Variants in ZFHX3 observed in about 807,000 individuals in gnomAD.
The protein encoded by ZFHX3 is zinc finger homeobox 3.
ZFHX3 carries 42 observed loss-of-function variants against 279.1 expected under a neutral mutation model. The ratio of observed to expected loss-of-function variants is 0.15; its 90% CI spans 0.12 to 0.19. ZFHX3 has a LOEUF of 0.19. Among genes scored for constraint, ZFHX3 ranks in the 10% least tolerant of loss-of-function variants. ZFHX3 has a pLI of 1.00. For synonymous variants in ZFHX3, 2,293 were observed against 1,957.8 expected, an observed-to-expected ratio of 1.17 and a Z score of -4.52; for missense variants, 4,981 against 4,754.0, an observed-to-expected ratio of 1.05 and a Z score of -1.40.
chr16:73,086,286 C>G (rs1966011133), intron 8 of ZFHX3, among the ~76,000 whole-genome samples: 1 of 152,124 alleles, frequency 6.6e-6, no homozygotes, highest in African/African-American at 2.4e-5. Flanking sequence ...AGTACAGCCT[C>G]TATGGAAAAG....
chr16:73,262,202 A>G (rs1226721894), intron 4 of ZFHX3, among the ~76,000 whole-genome samples: 1 of 152,262 alleles, frequency 6.6e-6, no homozygotes, highest in African/African-American at 2.4e-5. Context: ...GTAAAGTTAT[A>G]GGAGAACAAA....
chr16:73,701,675 T>C (rs1257207629), intron 1 of ZFHX3, among the ~76,000 whole-genome samples: 1 of 152,166 alleles, frequency 6.6e-6, no homozygotes, highest in Non-Finnish European at 1.5e-5. Context: ...TATAAACGCC[T>C]TTGCCTTCTA....
rs1328148425 is a variant in ZFHX3, at chr16:72,783,140, C to G, written c.*4024G>C. ...ACAAGACTACATTATAGAAAAACAC[C>G]AAGAACATCATTTTTGGTTTCACTT... On this transcript the variant is annotated 3_prime_UTR_variant, in exon 10 of 10. Transcript: ENST00000268489. 6.6e-6 allele frequency: 1 copy of G among 152,374 alleles called. No homozygotes were observed. Among genetic ancestry groups the G allele is most frequent in the Non-Finnish European group, 1.5e-5 (1 of 67,966 alleles). 9.4% of individuals were successfully genotyped at this position (152,374 alleles called of 1,614,324 possible). A position where few individuals can be genotyped will look rare whatever the true frequency, so the allele number is the denominator to read the frequency against.
intron 3 of ZFHX3, among the ~76,000 whole-genome samples, chr16:73,349,694 TCCTTC>T: frequency 3.5e-5 from 1 of 28,842 alleles, no homozygotes; most frequent in Non-Finnish European, 6.9e-5. Flanking sequence ...CCCTCTCCCT[TCCTTC>T]CCTCCCTCCC....
At chr16:73,687,055 T>TATAC (rs2053095687) in intron 1 of ZFHX3, among the ~76,000 whole-genome samples, 1 of 109,902 alleles carries the variant, frequency 9.1e-6, no homozygotes, top group South Asian at 3.0e-4. Flanking sequence ...TATATATATA[T>TATAC]ATATATATAT....
chr16:73,374,994 A>C (rs898057577), intron 3 of ZFHX3, among the ~76,000 whole-genome samples: 3 of 152,222 alleles, frequency 2.0e-5, no homozygotes, highest in Non-Finnish European at 4.4e-5. Context: ...GTTATTTATA[A>C]TAATTGCTTA....
intron 4 of ZFHX3, among the ~76,000 whole-genome samples, chr16:73,293,179 G>A (rs1450320144): frequency 1.3e-5 from 2 of 152,200 alleles, no homozygotes; most frequent in Non-Finnish European, 2.9e-5. Context: ...CACATCAGAG[G>A]CAGCTGTGAG....
intron 3 of ZFHX3, among the ~76,000 whole-genome samples, chr16:73,338,252 G>A (rs533638935): frequency 6.6e-6 from 1 of 152,124 alleles, no homozygotes; most frequent in East Asian, 1.9e-4. Flanking sequence ...CAGCCCCTAA[G>A]GAGTCTTGTC....
chr16:73,656,616 G>A (rs2052723386), intron 2 of ZFHX3, among the ~76,000 whole-genome samples: 1 of 152,080 alleles, frequency 6.6e-6, no homozygotes, highest in South Asian at 2.1e-4. Context: ...GTGTGCCTGT[G>A]TTTTACATAA....
chr16:73,300,051 T>C (rs1394777952), intron 4 of ZFHX3, among the ~76,000 whole-genome samples: 2 of 152,152 alleles, frequency 1.3e-5, no homozygotes, highest in East Asian at 3.9e-4. Flanking sequence ...TTTGCTACTG[T>C]TCCTTCCCAA....
chr16:73,283,205 C>A (rs1483817261), intron 4 of ZFHX3, among the ~76,000 whole-genome samples: 1 of 152,152 alleles, frequency 6.6e-6, no homozygotes, highest in Non-Finnish European at 1.5e-5. Flanking sequence ...CACCTGCTTT[C>A]CGGCAACTGT....
intron 4 of ZFHX3, 44 bp from the exon 5 acceptor site, chr16:72,829,903 AGAT>A: frequency 1.2e-6 from 2 of 1,609,922 alleles, no homozygotes; most frequent in Non-Finnish European, 1.7e-6. Flanking sequence ...AATAAAAAGA[AGAT>A]GAAGGACTTT....
intron 2 of ZFHX3, among the ~76,000 whole-genome samples, chr16:73,473,896 C>T (rs2018718476): frequency 6.6e-6 from 1 of 152,194 alleles, no homozygotes; most frequent in East Asian, 1.9e-4. Context: ...CAGAGCACTC[C>T]GTTGGCCAGG....
chr16:73,816,631 G>T (rs1006045384), intron 1 of ZFHX3, among the ~76,000 whole-genome samples: 6 of 59,662 alleles, frequency 1.0e-4, no homozygotes, highest in Non-Finnish European at 1.7e-4. Context: ...AAAAGAGATG[G>T]GGGGGGAGAG....
chr16:73,280,356 A>G (rs1455876201), intron 4 of ZFHX3, among the ~76,000 whole-genome samples: 1 of 152,214 alleles, frequency 6.6e-6, no homozygotes, highest in Non-Finnish European at 1.5e-5. Context: ...CATATATCTG[A>G]TAAGAGTTTA....
intron 3 of ZFHX3, among the ~76,000 whole-genome samples, chr16:73,425,933 C>T (rs1366914363): frequency 9.5e-6 from 1 of 105,178 alleles, no homozygotes; most frequent in East Asian, 2.0e-4. Context: ...AGCCTACTTC[C>T]TTACCATTAA....
At chr16:73,650,249 CA>C (rs2052657801) in intron 2 of ZFHX3, among the ~76,000 whole-genome samples, 1 of 146,336 alleles carries the variant, frequency 6.8e-6, no homozygotes, top group Non-Finnish European at 1.5e-5. Context: ...GAAAACATAG[CA>C]AAAAAATTAG....
intron 1 of ZFHX3, among the ~76,000 whole-genome samples, chr16:73,019,590 C>T (rs1597098903): frequency 6.6e-6 from 1 of 152,210 alleles, no homozygotes; most frequent in African/African-American, 2.4e-5. Context: ...TGGGTGACCC[C>T]GCTCTGCTAT....
intron 7 of ZFHX3, among the ~76,000 whole-genome samples, chr16:73,122,643 G>C (rs1317982366): frequency 6.6e-6 from 1 of 152,192 alleles, no homozygotes; most frequent in Admixed American, 6.5e-5. Context: ...TAGACAAACT[G>C]TCCAGCCCTT....
Sources: gnomAD v4.1 joint callset for allele counts (sites outside exome capture counted in the v4.1 genomes callset) on GRCh38, gnomAD v4.1.1 for gene constraint, MANE v1.5 for transcripts, NCBI Gene and HGNC (gene_info 2026-07-23, HGNC 2026-07-21) for gene names.